The following DHRSX variants were observed in gnomAD, a reference collection of about 807,000 sequenced individuals.
DHRSX encodes the protein dehydrogenase/reductase X-linked, also known as polyprenol dehydrogenase.
In DHRSX, 31 loss-of-function variants were observed where a neutral mutation model predicts 34.0. The observed-to-expected ratio is 0.91, with a 90% CI of 0.69 to 1.23. DHRSX has a LOEUF of 1.23. Among genes scored for constraint, DHRSX ranks in the 50% most tolerant of loss-of-function variants. DHRSX has a pLI of 0.00. For synonymous variants in DHRSX, 201 were observed against 183.8 expected (o/e 1.09, Z -0.76); for missense variants, 414 against 428.1 (o/e 0.97, Z 0.29).
At chrX:2,489,524 T>C (rs1354246361) in intron 1 of DHRSX, 2 of 1,612,948 alleles carry the variant, frequency 1.2e-6, no homozygotes, top group South Asian at 2.2e-5. Flanking sequence ...CTGCAGGAGC[T>C]CCACCAGCCC....
intron 3 of DHRSX, among the ~76,000 whole-genome samples, chrX:2,371,318 CCCGTTACTATAGTCCCTCCTT>C (rs1262248694): frequency 7.0e-4 from 99 of 141,298 alleles, no homozygotes; most frequent in Non-Finnish European, 1.1e-3. Flanking sequence ...AGACCCTCCT[CCCGTTACTATAGTCCCTCCTT>C]CCGTTACCAT....
intron 3 of DHRSX, among the ~76,000 whole-genome samples, chrX:2,303,797 G>GGGTGGGTGGGTGGGTGGA (rs1267748050): frequency 3.8e-5 from 1 of 26,614 alleles, no homozygotes; most frequent in African/African-American, 1.5e-4. Flanking sequence ...GGATGGGTGG[G>GGGTGGGTGGGTGGGTGGA]TGGGTGGGTG....
intron 3 of DHRSX, among the ~76,000 whole-genome samples, chrX:2,340,406 TG>T (rs1233136295): frequency 6.6e-6 from 1 of 152,050 alleles, no homozygotes; most frequent in Non-Finnish European, 1.5e-5. Flanking sequence ...CATTCTTTTT[TG>T]TGGCTGTGTA....
chrX:2,495,249 G>A (rs1011584677), intron 1 of DHRSX, among the ~76,000 whole-genome samples: 5 of 150,832 alleles, frequency 3.3e-5, no homozygotes, highest in African/African-American at 7.3e-5. Flanking sequence ...GTTCCAGGAC[G>A]TGAAGCAAAG....
At chrX:2,358,424 G>A (rs1481776287) in intron 3 of DHRSX, among the ~76,000 whole-genome samples, 19 of 152,232 alleles carry the variant, frequency 1.2e-4, no homozygotes, top group African/African-American at 4.6e-4. Context: ...CTGGCCGGGC[G>A]CGGTGGCTCA....
At chrX:2,335,416 A>G (rs927279770) in intron 3 of DHRSX, among the ~76,000 whole-genome samples, 3 of 151,366 alleles carry the variant, frequency 2.0e-5, no homozygotes, top group African/African-American at 7.3e-5. Context: ...ATAGGTGGAT[A>G]AGAGACAAAT....
At chrX:2,491,994 C>A (rs1292823787) in intron 1 of DHRSX, among the ~76,000 whole-genome samples, 1 of 152,178 alleles carries the variant, frequency 6.6e-6, no homozygotes, top group East Asian at 1.9e-4. Flanking sequence ...GTAATTGTGT[C>A]TCCAAGTGTC....
intron 1 of DHRSX, among the ~76,000 whole-genome samples, chrX:2,449,531 A>G (rs2044188253): frequency 6.6e-6 from 1 of 152,098 alleles, no homozygotes; most frequent in Admixed American, 6.5e-5. Context: ...CACCCAGGCG[A>G]TTGCCCAACC....
chrX:2,432,067 A>ACG (rs1253516182), intron 1 of DHRSX, among the ~76,000 whole-genome samples: 1 of 151,868 alleles, frequency 6.6e-6, no homozygotes, highest in East Asian at 1.9e-4. Context: ...GGTGTGTGCC[A>ACG]CCTGTAATCC....
chrX:2,316,581 C>A (rs984075241), intron 3 of DHRSX, among the ~76,000 whole-genome samples: 18 of 151,894 alleles, frequency 1.2e-4, no homozygotes, highest in Non-Finnish European at 2.4e-4. Flanking sequence ...ACAACAAAAA[C>A]CAGGAAAAGG....
intron 3 of DHRSX, among the ~76,000 whole-genome samples, chrX:2,308,639 T>C (rs1375982564): frequency 6.6e-6 from 1 of 152,202 alleles, no homozygotes; most frequent in African/African-American, 2.4e-5. Flanking sequence ...GATGAAGCTA[T>C]AATGTGCCAT....
chrX:2,322,441 C>T (rs373495126), intron 3 of DHRSX, among the ~76,000 whole-genome samples: 1 of 151,210 alleles, frequency 6.6e-6, no homozygotes, highest in Admixed American at 6.6e-5. Context: ...GCCAGCTACT[C>T]GGGAGGCTGA....
At chrX:2,298,206 C>T (rs1227814790) in intron 3 of DHRSX, among the ~76,000 whole-genome samples, 2 of 151,966 alleles carry the variant, frequency 1.3e-5, no homozygotes, top group African/African-American at 4.8e-5. Flanking sequence ...AAAGGATCCT[C>T]CCCTAGAGCG....
chrX:2,304,535 T>C (rs1324252884), intron 3 of DHRSX, among the ~76,000 whole-genome samples: 1 of 152,094 alleles, frequency 6.6e-6, no homozygotes, highest in Non-Finnish European at 1.5e-5. Flanking sequence ...CTGGGTGCTG[T>C]GCTTGCAATA....
intron 5 of DHRSX, among the ~76,000 whole-genome samples, chrX:2,263,638 C>T (rs1266415849): frequency 5.1e-4 from 77 of 151,788 alleles, no homozygotes; most frequent in Non-Finnish European, 1.1e-3. Context: ...CTCAGCCTCC[C>T]GAGTAGCTGG....
intron 3 of DHRSX, among the ~76,000 whole-genome samples, chrX:2,306,419 G>A (rs148149883): frequency 4.6e-4 from 70 of 151,892 alleles, no homozygotes; most frequent in African/African-American, 1.6e-3. Flanking sequence ...TGGACAAAGA[G>A]CAGAGCAGGA....
chrX:2,327,972 T>C (rs62583698), intron 3 of DHRSX, among the ~76,000 whole-genome samples: 110,168 of 151,514 alleles, frequency 0.73, 40,851 homozygotes, highest in Middle Eastern at 0.83. Flanking sequence ...TCCAGCTACT[T>C]GGGAGGCTGA....
chrX:2,310,239 G>A (rs2042146519), intron 3 of DHRSX, among the ~76,000 whole-genome samples: 1 of 152,144 alleles, frequency 6.6e-6, no homozygotes, highest in Non-Finnish European at 1.5e-5. Context: ...CTTGAGCAGG[G>A]ACGAAGCTCA....
intron 3 of DHRSX, among the ~76,000 whole-genome samples, chrX:2,351,655 G>A (rs2042789810): frequency 6.6e-6 from 1 of 152,162 alleles, no homozygotes; most frequent in Non-Finnish European, 1.5e-5. Context: ...TGAAGAGGAG[G>A]CTGATGATGC....
Sources: allele counts gnomAD v4.1 joint callset (sites outside exome capture counted in the v4.1 genomes callset), GRCh38; gene constraint gnomAD v4.1.1; transcripts MANE v1.5; gene names NCBI Gene and HGNC (gene_info 2026-07-23, HGNC 2026-07-21).